The following LRP1B variants were observed in gnomAD, a reference collection of about 807,000 sequenced individuals.
The protein encoded by LRP1B is LDL receptor related protein 1B, also known as low-density lipoprotein receptor-related protein 1B.
LRP1B carries 217 observed loss-of-function variants against 556.6 expected under a neutral mutation model. That is an observed-to-expected ratio of 0.39 (90% CI 0.35 to 0.44). LRP1B has a LOEUF of 0.44. Ranked by LOEUF, LRP1B falls within the 20% of genes least tolerant of loss-of-function variation. The pLI, the probability that LRP1B is intolerant of heterozygous loss-of-function variation, is 1.00. For synonymous variants in LRP1B, 2,047 were observed against 1,865.8 expected (o/e 1.10, Z -2.50); for missense variants, 5,053 against 5,620.8 (o/e 0.90, Z 3.23).
At chr2:141,591,815 A>G (rs1476560432) in intron 2 of LRP1B, among the ~76,000 whole-genome samples, 2 of 152,138 alleles carry the variant, frequency 1.3e-5, no homozygotes, top group African/African-American at 4.8e-5. Context: ...ATTTTTCTAT[A>G]GGAGCATTTG....
chr2:141,259,028 A>G (rs181189394), intron 3 of LRP1B, among the ~76,000 whole-genome samples: 47 of 152,308 alleles, frequency 3.1e-4, no homozygotes, highest in African/African-American at 1.1e-3. Context: ...GAGTATTATT[A>G]AACTATGAAT....
intron 3 of LRP1B, among the ~76,000 whole-genome samples, chr2:141,464,606 A>ATATTTTTTTTTTTT: frequency 2.1e-4 from 19 of 90,464 alleles, no homozygotes; most frequent in Non-Finnish European, 2.9e-4. Context: ...ATATATATAT[A>ATATTTTTTTTTTTT]TTTTTTTAGT....
chr2:140,991,722 A>G (rs1697097799), intron 16 of LRP1B, among the ~76,000 whole-genome samples: 1 of 152,186 alleles, frequency 6.6e-6, no homozygotes, highest in African/African-American at 2.4e-5. Flanking sequence ...AAATGGCTGT[A>G]TTGAGAGTCA....
chr2:140,401,716 C>T (rs1307068741), intron 66 of LRP1B, among the ~76,000 whole-genome samples: 1 of 152,196 alleles, frequency 6.6e-6, no homozygotes, highest in African/African-American at 2.4e-5. Context: ...GCATCAGGTG[C>T]TCTTTTGCAA....
At position 141,329,654 on chromosome 2, in the gene LRP1B, A is replaced by AAAAACAAAACAAAAC. The variant is rs1157033686; in HGVS notation, c.344-75014_344-75013insGTTTTGTTTTGTTTT. On this transcript the variant is annotated intron_variant, in intron 3 of 90. Transcript: ENST00000389484. Reference sequence around the variant, plus strand: ...GCGAGACTCTGTCTCAAAAAAAAAAAAAAAAAAAAAACTATCTCTCTCTCT... The same window carrying AAAAACAAAACAAAAC: ...GCGAGACTCTGTCTCAAAAAAAAAAAAAAACAAAACAAAACAAAAAAAAAAACTATCTCTCTCTCT... Among the ~76,000 whole-genome samples, 696 of 140,244 alleles carry AAAAACAAAACAAAAC rather than the reference A, an allele frequency of 5.0e-3. 8 individuals are homozygous for AAAAACAAAACAAAAC. Among genetic ancestry groups the AAAAACAAAACAAAAC allele is most frequent in the African/African-American group, 0.018 (638 of 36,288 alleles). 92.0% of individuals were successfully genotyped at this position (140,244 alleles called of 152,430 possible).
chr2:141,630,967 A>G (rs1688885471), intron 2 of LRP1B, among the ~76,000 whole-genome samples: 1 of 152,116 alleles, frequency 6.6e-6, no homozygotes, highest in Non-Finnish European at 1.5e-5. Context: ...TCACTAGTAT[A>G]TTGTAATCAT....
chr2:141,053,782 C>T (rs904358504), intron 10 of LRP1B, among the ~76,000 whole-genome samples: 2 of 151,616 alleles, frequency 1.3e-5, no homozygotes, highest in Admixed American at 1.3e-4. Context: ...TTATGTTTTT[C>T]CTCCAATGTG....
intron 5 of LRP1B, among the ~76,000 whole-genome samples, chr2:141,231,038 A>G (rs1412426185): frequency 6.6e-6 from 1 of 152,248 alleles, no homozygotes; most frequent in Non-Finnish European, 1.5e-5. Flanking sequence ...CTTTAGAAAC[A>G]TTTCATGAAA....
chr2:141,669,780 A>G (rs1232656899), intron 2 of LRP1B, among the ~76,000 whole-genome samples: 1 of 151,932 alleles, frequency 6.6e-6, no homozygotes, highest in Non-Finnish European at 1.5e-5. Context: ...GGGCATACAG[A>G]GTCTCACTCT....
chr2:142,047,419 CAGA>C (rs1195522129), intron 1 of LRP1B, among the ~76,000 whole-genome samples: 1 of 151,934 alleles, frequency 6.6e-6, no homozygotes, highest in Non-Finnish European at 1.5e-5. Context: ...AAAGCTCATT[CAGA>C]AGGTCTGTAG....
At chr2:141,304,667 TA>T (rs1468433861) in intron 3 of LRP1B, among the ~76,000 whole-genome samples, 3 of 150,760 alleles carry the variant, frequency 2.0e-5, no homozygotes, top group Non-Finnish European at 3.0e-5. Context: ...TATATATATA[TA>T]TTTTTTATTT....
At chr2:141,501,281 G>C (rs1230382603) in intron 2 of LRP1B, among the ~76,000 whole-genome samples, 1 of 152,032 alleles carries the variant, frequency 6.6e-6, no homozygotes, top group Non-Finnish European at 1.5e-5. Flanking sequence ...CTAGAAAATA[G>C]GTGTATGTGG....
intron 3 of LRP1B, among the ~76,000 whole-genome samples, chr2:141,323,883 A>G (rs886176745): frequency 6.8e-6 from 1 of 146,306 alleles, no homozygotes; most frequent in African/African-American, 2.5e-5. Flanking sequence ...ATACCTGAAC[A>G]AGGAAACCAC....
chr2:140,915,063 T>C (rs1053404026), intron 21 of LRP1B, among the ~76,000 whole-genome samples: 2 of 152,096 alleles, frequency 1.3e-5, no homozygotes, highest in African/African-American at 2.4e-5. Context: ...AAGAAATCTT[T>C]CCTGGTGACC....
At chr2:141,692,550 T>G (rs1048505907) in intron 2 of LRP1B, among the ~76,000 whole-genome samples, 29 of 152,150 alleles carry the variant, frequency 1.9e-4, no homozygotes, top group African/African-American at 6.7e-4. Context: ...CTTACCTTTT[T>G]AGCCTAAGGG....
At chr2:141,794,869 T>C (rs772749013) in intron 2 of LRP1B, among the ~76,000 whole-genome samples, 49 of 152,076 alleles carry the variant, frequency 3.2e-4, no homozygotes, top group Non-Finnish European at 8.8e-5. Context: ...GTAAGGAACA[T>C]TGCATTTTGG....
intron 27 of LRP1B, among the ~76,000 whole-genome samples, chr2:140,858,879 C>A (rs1368911853): frequency 6.6e-6 from 1 of 152,210 alleles, no homozygotes; most frequent in Non-Finnish European, 1.5e-5. Context: ...ATAATGGCTT[C>A]CAGCTCCATC....
chr2:141,574,168 C>T (rs542145548), intron 2 of LRP1B, among the ~76,000 whole-genome samples: 2 of 152,304 alleles, frequency 1.3e-5, no homozygotes, highest in South Asian at 4.1e-4. Context: ...GCCAATATCT[C>T]TGAAGAACAT....
Position 140,233,157 on chromosome 2 carries a change from T to A in LRP1B, c.*29A>T, listed in dbSNP as rs1464279973. On this transcript the variant is annotated 3_prime_UTR_variant, in exon 91 of 91. Transcript: ENST00000389484. ...AAAAGTAATCCTTATATTTTATACA[T>A]TTATACAGCATATAAAAGATATCAC... 6.8e-7 allele frequency: 1 copy of A among 1,467,198 alleles called. No individual in the cohort carries two copies. The highest frequency in any genetic ancestry group is 1.8e-5 in the Admixed American group (1 of 55,636). The allele number at this position is 1,467,198 out of a possible 1,614,324, so 90.9% of individuals were successfully genotyped here.
Sources: gnomAD v4.1 joint callset for allele counts (sites outside exome capture counted in the v4.1 genomes callset) on GRCh38, gnomAD v4.1.1 for gene constraint, MANE v1.5 for transcripts, NCBI Gene and HGNC (gene_info 2026-07-23, HGNC 2026-07-21) for gene names.